The following HMBOX1 variants were observed in gnomAD, a reference collection of about 807,000 sequenced individuals.
HMBOX1 encodes homeobox-containing protein 1.
In HMBOX1, 14 loss-of-function variants were observed where a neutral mutation model predicts 54.5. The ratio of observed to expected loss-of-function variants is 0.26; its 90% confidence interval spans 0.17 to 0.40. The LOEUF (loss-of-function observed/expected upper bound fraction) is 0.40. Ranked by LOEUF, HMBOX1 falls within the 10% of genes least tolerant of loss-of-function variation. HMBOX1 has a pLI of 1.00. For missense variants in HMBOX1, 332 were observed against 514.4 expected, an observed-to-expected ratio of 0.65 and a Z score of 3.43; for synonymous variants, 160 against 181.0, an observed-to-expected ratio of 0.88 and a Z score of 0.93.
chr8:29,009,319 C>A, intron 5 of HMBOX1, 137 bp downstream of exon 5: 2 of 1,042,576 alleles, frequency 1.9e-6, no homozygotes, highest in Non-Finnish European at 2.7e-6. Flanking sequence ...GAAAAAGACT[C>A]TTAACAGTAA....
chr8:28,954,237 ATATTT>A (rs947866245), intron 1 of HMBOX1, among the ~76,000 whole-genome samples: 2 of 152,170 alleles, frequency 1.3e-5, no homozygotes, highest in Non-Finnish European at 2.9e-5. Context: ...ATTTTTATAG[ATATTT>A]TAGATGGGTA....
intron 1 of HMBOX1, among the ~76,000 whole-genome samples, chr8:28,930,752 T>C (rs144442834): frequency 1.7e-3 from 259 of 152,326 alleles, no homozygotes; most frequent in Non-Finnish European, 2.9e-3. Flanking sequence ...AATCTTACTT[T>C]TTGAAATCAG....
At chr8:29,006,142 A>C (rs1049537230) in intron 4 of HMBOX1, among the ~76,000 whole-genome samples, 3 of 151,628 alleles carry the variant, frequency 2.0e-5, no homozygotes. Context: ...ACAGGCACAC[A>C]CCACCATGCC....
chr8:28,909,208 G>GT (rs1474384519), intron 1 of HMBOX1, among the ~76,000 whole-genome samples: 1 of 152,092 alleles, frequency 6.6e-6, no homozygotes, highest in African/African-American at 2.4e-5. Context: ...TGACCTACCA[G>GT]TCTATATGAT....
intron 3 of HMBOX1, among the ~76,000 whole-genome samples, chr8:28,975,383 T>C (rs1388681688): frequency 6.6e-6 from 1 of 152,198 alleles, no homozygotes; most frequent in African/African-American, 2.4e-5. Flanking sequence ...CGTCTTTGAA[T>C]AGATGACAGT....
At chr8:28,990,256 C>G (rs183735006) in intron 4 of HMBOX1, among the ~76,000 whole-genome samples, 1 of 152,120 alleles carries the variant, frequency 6.6e-6, no homozygotes, top group Non-Finnish European at 1.5e-5. Flanking sequence ...TTACCTTGTT[C>G]CCAGTCTTAG....
rs188537141 is a variant in HMBOX1, at chr8:28,969,087, C to T, written c.24-956C>T. Among the ~76,000 whole-genome samples the T allele has an allele frequency of 1.1e-3, 169 of 152,202 alleles. 2 individuals are homozygous for T. The highest frequency in any genetic ancestry group is 3.9e-3 in the African/African-American group (161 of 41,532). On this transcript the variant is annotated intron_variant, in intron 2 of 9. Transcript: ENST00000287701. ...ACTCAGGAGGTTGAGGCAGGAGAAT[C>T]GCTTGCACCCAGGAGGTGGAGGTTG...
chr8:28,996,934 C>A (rs534659659), intron 4 of HMBOX1, among the ~76,000 whole-genome samples: 2 of 152,068 alleles, frequency 1.3e-5, no homozygotes, highest in East Asian at 3.9e-4. Flanking sequence ...AGGTTTATTT[C>A]GTATATTGAT....
chr8:28,924,400 G>T (rs1818078145), intron 1 of HMBOX1, among the ~76,000 whole-genome samples: 1 of 151,094 alleles, frequency 6.6e-6, no homozygotes, highest in Non-Finnish European at 1.5e-5. Flanking sequence ...GAGCCACCAT[G>T]CCCGGCCCTG....
At chr8:29,014,184 G>T (rs1399612147) in intron 5 of HMBOX1, among the ~76,000 whole-genome samples, 1 of 151,974 alleles carries the variant, frequency 6.6e-6, no homozygotes, top group African/African-American at 2.4e-5. Context: ...GTTATGAAAA[G>T]AGTTTTGGGT....
intron 1 of HMBOX1, among the ~76,000 whole-genome samples, chr8:28,948,597 C>T (rs1451563270): frequency 6.6e-6 from 1 of 152,120 alleles, no homozygotes; most frequent in East Asian, 1.9e-4. Flanking sequence ...GAATGACATG[C>T]ATTTAGTAGA....
At chr8:28,943,678 A>T (rs959941958) in intron 1 of HMBOX1, among the ~76,000 whole-genome samples, 1 of 152,206 alleles carries the variant, frequency 6.6e-6, no homozygotes, top group Non-Finnish European at 1.5e-5. Flanking sequence ...AACACTTTTC[A>T]TAGAGACATA....
chr8:29,041,239 A>G (rs1038405389), intron 6 of HMBOX1, among the ~76,000 whole-genome samples: 2 of 152,044 alleles, frequency 1.3e-5, no homozygotes, highest in African/African-American at 4.8e-5. Context: ...TGCCACCAGT[A>G]TTTTCCTGTT....
At chr8:29,014,662 G>A (rs1834729443) in intron 5 of HMBOX1, among the ~76,000 whole-genome samples, 1 of 152,120 alleles carries the variant, frequency 6.6e-6, no homozygotes, top group African/African-American at 2.4e-5. Context: ...CCTTCTGTGT[G>A]TAAACTGTCT....
intron 1 of HMBOX1, among the ~76,000 whole-genome samples, chr8:28,921,196 G>C (rs745745074): frequency 3.0e-4 from 45 of 152,118 alleles, no homozygotes; most frequent in Non-Finnish European, 4.9e-4. Context: ...TTAGCCAGGT[G>C]GTAGTGGCAT....
In HMBOX1 at chr8:28,929,167, C is replaced by A. The variant is rs531504348; in HGVS notation, c.-57-34644C>A. On this transcript the variant is annotated intron_variant, in intron 1 of 9. Transcript: ENST00000287701. Reference sequence around the variant, plus strand: ...CCAATAAAGTTTTGGGGAAATAAATCTGAGAGGCGTGGTACAAAATGAGTA... The same window carrying A: ...CCAATAAAGTTTTGGGGAAATAAATATGAGAGGCGTGGTACAAAATGAGTA... Among the ~76,000 whole-genome samples the A allele has an allele frequency of 1.4e-4, 21 of 152,186 alleles. No individual in the cohort carries two copies. In the South Asian group the frequency reaches 4.4e-3, roughly 32 times the overall value.
intron 1 of HMBOX1, among the ~76,000 whole-genome samples, chr8:28,935,855 A>G (rs1209187294): frequency 1.3e-5 from 2 of 152,078 alleles, no homozygotes; most frequent in East Asian, 1.9e-4. Flanking sequence ...TCTAATGTGT[A>G]ATCTTGACTC....
In HMBOX1 at chr8:28,969,668, A is replaced by G. The variant is rs545220163; in HGVS notation, c.24-375A>G. 1.6e-4 allele frequency among the ~76,000 whole-genome samples: 25 copies of G among 152,330 alleles called. No homozygotes were observed. In the South Asian group the frequency reaches 5.2e-3, roughly 32 times the overall value. On this transcript the variant is annotated intron_variant, in intron 2 of 9. Coordinates refer to ENST00000287701, the MANE Select transcript of HMBOX1 (RefSeq NM_001135726.3). ...TCCATTAATACTCTAATGTAGAGTA[A>G]TACACTTGAGATGGGCAAAACACTT...
chr8:28,893,494 T>TA (rs1433817019), intron 1 of HMBOX1, among the ~76,000 whole-genome samples: 5 of 152,206 alleles, frequency 3.3e-5, no homozygotes, highest in Admixed American at 6.5e-5. Flanking sequence ...TAGTGAACAC[T>TA]ATGTATGGTC....
Sources: gnomAD v4.1 joint callset for allele counts (sites outside exome capture counted in the v4.1 genomes callset) on GRCh38, gnomAD v4.1.1 for gene constraint, MANE v1.5 for transcripts, NCBI Gene and HGNC (gene_info 2026-07-23, HGNC 2026-07-21) for gene names.